Variants in UNC13A observed in about 807,000 individuals in gnomAD.
The protein encoded by UNC13A is unc-13 homolog A, also known as protein unc-13 homolog A.
UNC13A carries 61 observed loss-of-function variants against 219.7 expected under a neutral mutation model. The observed-to-expected ratio is 0.28, with a 90% CI of 0.23 to 0.34. UNC13A has a LOEUF of 0.34. Ranked by LOEUF, UNC13A falls within the 10% of genes least tolerant of loss-of-function variation. The pLI is 1.00. For synonymous variants in UNC13A, 920 were observed against 884.6 expected, an observed-to-expected ratio of 1.04 and a Z score of -0.71; for missense variants, 1,476 against 2,270.3, an observed-to-expected ratio of 0.65 and a Z score of 7.11.
chr19:17,638,261 G>A (rs527617872), intron 25 of UNC13A, among the ~76,000 whole-genome samples: 67 of 151,916 alleles, frequency 4.4e-4, no homozygotes, highest in African/African-American at 1.5e-3. Context: ...GATCGCTTGA[G>A]CCCAGGAGAT....
At chr19:17,626,525 G>T in intron 34 of UNC13A, 108 bp downstream of exon 34, 1 of 1,260,430 alleles carries the variant, frequency 7.9e-7, no homozygotes, top group Non-Finnish European at 1.0e-6. Flanking sequence ...ACTATCCAGT[G>T]ACCACCCAGC....
Position 17,621,846 on chromosome 19 carries a change from T to C in UNC13A, c.4228A>G (p.Lys1410Glu), listed in dbSNP as rs754682213. The C allele has an allele frequency of 6.2e-7, 1 of 1,613,926 alleles. No individual in the cohort carries two copies. The highest frequency in any genetic ancestry group is 8.5e-7 in the Non-Finnish European group (1 of 1,179,872). The change falls in exon 37 of 44, where the codon AAG becomes GAG. Residue 1410 changes from lysine to glutamate, a missense_variant. Physicochemically the swap from Lys to Glu is moderately conservative, Grantham distance 56. Coordinates refer to ENST00000519716, the MANE Select transcript of UNC13A (RefSeq NM_001080421.3). Reference sequence around the variant, plus strand: ...GCCCTCATTACCTTTTCTAATCCCTTGCCATGTTTTCTCAAGAGGTTCCCC... The same window carrying C: ...GCCCTCATTACCTTTTCTAATCCCTCGCCATGTTTTCTCAAGAGGTTCCCC... ...MIGNLLRKHG[K>E]GLEKGRVKLP...
intron 34 of UNC13A, among the ~76,000 whole-genome samples, chr19:17,625,988 T>C (rs763411737): frequency 1.3e-5 from 2 of 151,016 alleles, no homozygotes; most frequent in Non-Finnish European, 1.5e-5. Flanking sequence ...AATCCATCTA[T>C]ACATCAAAAC....
chr19:17,644,993 G>A (rs979487212), intron 19 of UNC13A, among the ~76,000 whole-genome samples: 6 of 145,256 alleles, frequency 4.1e-5, no homozygotes, highest in African/African-American at 1.5e-4. Context: ...ACTGCCCGGC[G>A]CCCCCAGCCT....
rs750388459 is a variant in UNC13A, at chr19:17,610,077, C to T, written c.4674G>A (p.Lys1558=). ...GCCGGAAGATGCCAGAAGTCTGCCA[C>T]TTGAGGTCATTGGCAGCCACCACTG... ...TVKVVAANDL[K]WQTSGIFRPF... is the part of the protein sequence containing the mutation. Residue 1558 remains lysine (K), a synonymous_variant, in exon 43 of 44, where the codon AAG becomes AAA. Coordinates refer to ENST00000519716, the MANE Select transcript of UNC13A (RefSeq NM_001080421.3). The T allele has an allele frequency of 6.8e-5, 109 of 1,613,942 alleles. No homozygotes were observed. Among genetic ancestry groups the T allele is most frequent in the Non-Finnish European group, 8.8e-5 (104 of 1,179,918 alleles).
In UNC13A at chr19:17,655,732, G is replaced by A. The variant is rs1346330006; in HGVS notation, c.1283+151C>T. The A allele has an allele frequency of 3.6e-6, 5 of 1,407,722 alleles. No individual in the cohort carries two copies. In the African/African-American group the frequency reaches 4.3e-5, roughly 12 times the overall value. The allele number at this position is 1,407,722 out of a possible 1,614,324, so 87.2% of individuals were successfully genotyped here. On this transcript the variant is annotated intron_variant, in intron 10 of 43. Transcript: ENST00000519716. ...GAACCCTCTTTGACCTCCCTACTCT[G>A]CCCTGTCACCTCTGATCCCTTTAAG...
chr19:17,688,175 T>G lies in UNC13A; in HGVS notation c.22+3A>C. The G allele has an allele frequency of 6.5e-7, 1 of 1,528,702 alleles. No individual in the cohort carries two copies. The highest frequency in any genetic ancestry group is 8.8e-7 in the Non-Finnish European group (1 of 1,137,820). The allele number at this position is 1,528,702 out of a possible 1,614,324, so 94.7% of individuals were successfully genotyped here. ...TCCCCCGACCCCCAGCCTCGCCTCC[T>G]ACCTCCAACGCAAAGCAGAGACATG... On this transcript the variant is annotated splice_donor_region_variant and intron_variant, in intron 1 of 43. Coordinates refer to ENST00000519716, the MANE Select transcript of UNC13A (RefSeq NM_001080421.3).
Position 17,630,187 on chromosome 19 carries a change from G to A in UNC13A, c.3627C>T (p.Pro1209=), listed in dbSNP as rs750164596. 4.7e-5 allele frequency: 73 copies of A among 1,552,086 alleles called. No individual in the cohort carries two copies. The highest frequency in any genetic ancestry group is 3.3e-4 in the Middle Eastern group (2 of 6,016). Residue 1209 remains proline, a synonymous_variant, in exon 30 of 44, where the codon CCC becomes CCT. Coordinates refer to ENST00000519716, the MANE Select transcript of UNC13A (RefSeq NM_001080421.3). The part of the protein sequence containing the change: ...SFEIIKKLEC[P]DPQIVGHYMR... ...TGTAGTGCCCCACGATCTGAGGGTCGGGACACTCGAGTTTCTTGATGATTT... is the reference window on the plus strand; with the variant it reads ...TGTAGTGCCCCACGATCTGAGGGTCAGGACACTCGAGTTTCTTGATGATTT...
Position 17,649,427 on chromosome 19 carries a change from T to A in UNC13A, c.1518+82A>T. ...TGCCTAGCTGGCCCCCAACCCCAGG[T>A]TGACCATGGGCAGTTCCACAGGTTG... On this transcript the variant is annotated intron_variant, in intron 13 of 43. Coordinates refer to ENST00000519716, the MANE Select transcript of UNC13A (RefSeq NM_001080421.3). This position sits in a 1 kb window ranked among gnomAD's most constrained non-coding sequence, Gnocchi z 4.4. The A allele has an allele frequency of 2.5e-6, 4 of 1,613,570 alleles. No individual in the cohort carries two copies. Among genetic ancestry groups the A allele is most frequent in the Non-Finnish European group, 3.4e-6 (4 of 1,179,708 alleles).
intron 28 of UNC13A, among the ~76,000 whole-genome samples, chr19:17,631,700 C>T (rs1461535523): frequency 6.6e-6 from 1 of 152,114 alleles, no homozygotes; most frequent in Non-Finnish European, 1.5e-5. Flanking sequence ...TGGGAGTCAC[C>T]GTGGGCAAGG....
At chr19:17,635,882 G>C (rs2076908254) in intron 26 of UNC13A, 142 bp downstream of exon 26, 1 of 972,282 alleles carries the variant, frequency 1.0e-6, no homozygotes. Flanking sequence ...TTTGAATTTT[G>C]CACAGGTATA....
At chr19:17,632,707 C>A in intron 28 of UNC13A, 75 bp downstream of exon 28, 1 of 1,606,174 alleles carries the variant, frequency 6.2e-7, no homozygotes, top group Non-Finnish European at 8.5e-7. Context: ...GTAGGTCAGT[C>A]TTCCTCTCTG....
chr19:17,681,320 C>G (rs1341781511), intron 1 of UNC13A, among the ~76,000 whole-genome samples: 2 of 151,900 alleles, frequency 1.3e-5, no homozygotes, highest in Non-Finnish European at 2.9e-5. Context: ...GAAAGCCCAC[C>G]CGCCCCAGGA....
chr19:17,642,570 GC>G (rs1397028565), intron 20 of UNC13A, among the ~76,000 whole-genome samples: 1 of 152,184 alleles, frequency 6.6e-6, no homozygotes, highest in African/African-American at 2.4e-5. Context: ...GACACAAACG[GC>G]CCAATCCTGA....
chr19:17,611,099 C>G (rs867421747), intron 42 of UNC13A, among the ~76,000 whole-genome samples: 1 of 152,216 alleles, frequency 6.6e-6, no homozygotes, highest in Non-Finnish European at 1.5e-5. Flanking sequence ...GGCAGCAGCA[C>G]AGATCACCAA....
chr19:17,672,278 C>T (rs1315869479), intron 4 of UNC13A, 100 bp downstream of exon 4: 2 of 927,538 alleles, frequency 2.2e-6, no homozygotes, highest in Non-Finnish European at 3.4e-6. Flanking sequence ...TTGATGTTGT[C>T]AGGGGATAGG....
At chr19:17,646,755 A>T (rs965165063) in intron 17 of UNC13A, among the ~76,000 whole-genome samples, 5 of 152,078 alleles carry the variant, frequency 3.3e-5, no homozygotes, top group Non-Finnish European at 5.9e-5. Flanking sequence ...CATAACCTGA[A>T]ATCCTCATCC....
Position 17,670,326 on chromosome 19 carries a change from C to T in UNC13A, c.271-650G>A, listed in dbSNP as rs184585947. ...CGTGATCTCAGCTCACTGCAACCTC[C>T]GCTTCCCAGGCTCAAGTGATTCTCC... On this transcript the variant is annotated intron_variant, in intron 4 of 43. Transcript: ENST00000519716. Among the ~76,000 whole-genome samples the T allele has an allele frequency of 1.6e-4, 25 of 151,978 alleles. No individual in the cohort carries two copies. The Middle Eastern group carries it at 0.01, about 63-fold the overall frequency.
At chr19:17,638,618 A>C (rs753754999) in intron 25 of UNC13A, among the ~76,000 whole-genome samples, 1 of 152,114 alleles carries the variant, frequency 6.6e-6, no homozygotes, top group African/African-American at 2.4e-5. Context: ...CCTGAGGTCA[A>C]GGAGTTCGAG....
Sources: gnomAD v4.1 joint callset for allele counts (sites outside exome capture counted in the v4.1 genomes callset) on GRCh38, gnomAD v4.1.1 for gene constraint, Gnocchi (gnomAD v3.1) non-coding constraint, MANE v1.5 for transcripts, NCBI Gene and HGNC (gene_info 2026-07-23, HGNC 2026-07-21) for gene names.